The following PGAP1 variants were observed in gnomAD, a reference collection of about 807,000 sequenced individuals.
PGAP1 encodes GPI inositol-deacylase.
In PGAP1, 76 loss-of-function variants were observed where a neutral mutation model predicts 127.0. The ratio of observed to expected loss-of-function variants is 0.60; its 90% CI spans 0.50 to 0.72. The LOEUF is 0.72. Among genes scored for constraint, PGAP1 ranks in the 30% least tolerant of loss-of-function variants. PGAP1 has a pLI of 0.00. For missense variants in PGAP1, 982 were observed against 1,071.3 expected, an observed-to-expected ratio of 0.92 and a Z score of 1.16; for synonymous variants, 362 against 366.5, an observed-to-expected ratio of 0.99 and a Z score of 0.14.
intron 1 of PGAP1, 117 bp downstream of exon 1, chr2:196,926,353 A>C (rs1319974418): frequency 6.8e-7 from 1 of 1,478,364 alleles, no homozygotes; most frequent in African/African-American, 1.4e-5. Flanking sequence ...AGAGGCGAGG[A>C]CGGGACAGGG....
chr2:196,895,677 C>T (rs958625573), intron 7 of PGAP1, among the ~76,000 whole-genome samples: 1 of 152,166 alleles, frequency 6.6e-6, no homozygotes, highest in African/African-American at 2.4e-5. Context: ...ATGATTCTCT[C>T]TAAGAGTGGT....
At chr2:196,845,686 C>T (rs1700537154) in intron 23 of PGAP1, among the ~76,000 whole-genome samples, 196 bp downstream of exon 23, 1 of 151,816 alleles carries the variant, frequency 6.6e-6, no homozygotes, top group African/African-American at 2.4e-5. Context: ...ACAAAAAAAC[C>T]CCAACTTAGA....
chr2:196,913,142 A>G, intron 3 of PGAP1, 89 bp from the exon 4 acceptor site: 1 of 1,214,084 alleles, frequency 8.2e-7, no homozygotes, highest in Non-Finnish European at 1.1e-6. Flanking sequence ...CCAATTTTAT[A>G]GGAAAAAGAA....
At chr2:196,865,121 A>G in intron 19 of PGAP1, 41 bp from the exon 20 acceptor site, 2 of 1,104,238 alleles carry the variant, frequency 1.8e-6, no homozygotes, top group Non-Finnish European at 2.6e-6. Context: ...CTGAATATTC[A>G]TGTTAATAAG....
At position 196,841,088 on chromosome 2, in the gene PGAP1, C is replaced by T; in HGVS notation, c.*146G>A. ...CTTCAACTACTTCCCTCAAACATTA[C>T]AAAACTAATTTCCTATTTTCAATAT... On this transcript the variant is annotated 3_prime_UTR_variant, in exon 27 of 27. Coordinates refer to ENST00000354764, the MANE Select transcript of PGAP1 (RefSeq NM_024989.4). The T allele has an allele frequency of 2.1e-6, 2 of 966,768 alleles. No individual in the cohort carries two copies. Among genetic ancestry groups the T allele is most frequent in the Non-Finnish European group, 3.0e-6 (2 of 658,516 alleles). The allele number at this position is 966,768 out of a possible 1,614,324, so 59.9% of individuals were successfully genotyped here. A position where few individuals can be genotyped will look rare whatever the true frequency, so the allele number is the denominator to read the frequency against.
In PGAP1 at chr2:196,835,084, T is replaced by C. The variant is rs372214608; in HGVS notation, c.*6150A>G. The stretch of plus-strand genomic sequence containing the variant: ...AACTGAAATTTCCTTAGAATCTTTA[T>C]GGGGAGAAATTGAAGCACTTAATGC... On this transcript the variant is annotated 3_prime_UTR_variant, in exon 27 of 27. Coordinates refer to ENST00000354764, the MANE Select transcript of PGAP1 (RefSeq NM_024989.4). 12 of 152,032 alleles carry C rather than the reference T, an allele frequency of 7.9e-5. No individual in the cohort carries two copies. The allele number at this position is 152,032 out of a possible 1,614,324, so 9.4% of individuals were successfully genotyped here. A position where few individuals can be genotyped will look rare whatever the true frequency, so the allele number is the denominator to read the frequency against.
At chr2:196,865,516 T>C (rs915738944) in intron 19 of PGAP1, among the ~76,000 whole-genome samples, 1 of 152,138 alleles carries the variant, frequency 6.6e-6, no homozygotes, top group Non-Finnish European at 1.5e-5. Context: ...GCAAGTTACT[T>C]AGCTTCCCCT....
chr2:196,855,480 C>G (rs554907975), intron 20 of PGAP1, among the ~76,000 whole-genome samples: 1 of 152,060 alleles, frequency 6.6e-6, no homozygotes, highest in South Asian at 2.1e-4. Flanking sequence ...TTCCAAAACC[C>G]TGATAAAAAA....
At chr2:196,922,120 A>C in intron 1 of PGAP1, 1 of 1,264,466 alleles carries the variant, frequency 7.9e-7, no homozygotes, top group Non-Finnish European at 1.0e-6. Context: ...TTTAAATATT[A>C]TCTCCACAAT....
intron 20 of PGAP1, among the ~76,000 whole-genome samples, chr2:196,860,588 C>G (rs1576111665): frequency 6.6e-6 from 1 of 151,952 alleles, no homozygotes; most frequent in African/African-American, 2.4e-5. Flanking sequence ...AGAGTGATCC[C>G]ATTTACAATT....
chr2:196,875,030 A>G (rs1701521806), intron 14 of PGAP1, among the ~76,000 whole-genome samples: 1 of 152,182 alleles, frequency 6.6e-6, no homozygotes, highest in South Asian at 2.1e-4. Context: ...TCGCCCCACA[A>G]AAATGAAACA....
intron 7 of PGAP1, among the ~76,000 whole-genome samples, chr2:196,895,200 A>G (rs904750341): frequency 2.0e-5 from 3 of 152,216 alleles, no homozygotes; most frequent in Non-Finnish European, 2.9e-5. Context: ...ATGCATATTT[A>G]TACATTCAGA....
chr2:196,916,119 T>A (rs1277210203), intron 3 of PGAP1, among the ~76,000 whole-genome samples: 1 of 152,220 alleles, frequency 6.6e-6, no homozygotes, highest in Non-Finnish European at 1.5e-5. Flanking sequence ...AGTTACTTAG[T>A]CATAGCTAGA....
chr2:196,844,752 A>G (rs1700510751), intron 23 of PGAP1, among the ~76,000 whole-genome samples, 178 bp from the exon 24 acceptor site: 1 of 152,136 alleles, frequency 6.6e-6, no homozygotes, highest in Non-Finnish European at 1.5e-5. Flanking sequence ...GCTGGCTATC[A>G]TGGATTAAAA....
intron 20 of PGAP1, among the ~76,000 whole-genome samples, chr2:196,850,969 T>C (rs1700699691): frequency 6.6e-6 from 1 of 151,996 alleles, no homozygotes; most frequent in East Asian, 1.9e-4. Flanking sequence ...GAAAAACATG[T>C]TCAACTCCAG....
At chr2:196,925,412 T>C (rs1703328608) in intron 1 of PGAP1, among the ~76,000 whole-genome samples, 1 of 152,186 alleles carries the variant, frequency 6.6e-6, no homozygotes, top group Non-Finnish European at 1.5e-5. Flanking sequence ...ATTTTATCAA[T>C]ATATGTTATA....
intron 16 of PGAP1, 37 bp from the exon 17 acceptor site, chr2:196,873,063 T>C (rs200808136): frequency 7.6e-4 from 491 of 649,992 alleles, no homozygotes; most frequent in Non-Finnish European, 1.1e-3. Flanking sequence ...ATTAACAACA[T>C]GTTACCCTAA....
chr2:196,912,596 A>C (rs1263627980), intron 4 of PGAP1, among the ~76,000 whole-genome samples: 3 of 151,292 alleles, frequency 2.0e-5, no homozygotes, highest in Non-Finnish European at 4.4e-5. Context: ...AAAAAAAAAA[A>C]AAAAAAAAAA....
In PGAP1 at chr2:196,885,887, A is replaced by G; in HGVS notation, c.1174-7T>C. ...AAATCCAACTATTTGTATCCTGTTG[A>G]TGAACAGCACAAAACAAAACACACT... On this transcript the variant is annotated splice_polypyrimidine_tract_variant and splice_region_variant and intron_variant, in intron 10 of 26. Coordinates refer to ENST00000354764, the MANE Select transcript of PGAP1 (RefSeq NM_024989.4). The G allele has an allele frequency of 1.4e-6, 2 of 1,400,080 alleles. No individual in the cohort carries two copies. The highest frequency in any genetic ancestry group is 2.0e-5 in the South Asian group (1 of 49,062). The allele number at this position is 1,400,080 out of a possible 1,614,324, so 86.7% of individuals were successfully genotyped here.
Sources: gnomAD v4.1 joint callset for allele counts (sites outside exome capture counted in the v4.1 genomes callset) on GRCh38, gnomAD v4.1.1 for gene constraint, MANE v1.5 for transcripts, NCBI Gene and HGNC (gene_info 2026-07-23, HGNC 2026-07-21) for gene names.